The following ARID5B variants were observed in gnomAD, a reference collection of about 807,000 sequenced individuals.
The protein encoded by ARID5B is AT-rich interactive domain-containing protein 5B.
In ARID5B, 13 loss-of-function variants were observed where a neutral mutation model predicts 97.2. The observed-to-expected ratio is 0.13, with a 90% CI of 0.09 to 0.21. ARID5B has a LOEUF of 0.21. ARID5B is among the 10% of genes least tolerant of loss of function. ARID5B has a pLI of 1.00. For synonymous variants in ARID5B, 556 were observed against 570.3 expected (o/e 0.97, Z 0.36); for missense variants, 1,210 against 1,465.3 (o/e 0.83, Z 2.84).
rs1018972967 is a variant in ARID5B at position 61,929,356 on chromosome 10, C to T, written c.277-10827C>T. On this transcript the variant is annotated intron_variant, in intron 2 of 9. Transcript: ENST00000279873. ...TTGTTCCATCCCCTCCCTGCCAACCCGTCTGATATTACACTTGTGCATTTA... is the reference window on the plus strand; with the variant it reads ...TTGTTCCATCCCCTCCCTGCCAACCTGTCTGATATTACACTTGTGCATTTA... 6.6e-5 allele frequency among the ~76,000 whole-genome samples: 10 copies of T among 152,226 alleles called. No individual in the cohort carries two copies. The East Asian group carries it at 7.7e-4, about 12-fold the overall frequency.
intron 3 of ARID5B, among the ~76,000 whole-genome samples, chr10:61,961,332 T>C (rs1444352734): frequency 6.6e-6 from 1 of 152,176 alleles, no homozygotes. Context: ...CCACCTAACA[T>C]TGACTTGGGT....
At chr10:61,970,844 G>A (rs1259790563) in intron 3 of ARID5B, among the ~76,000 whole-genome samples, 1 of 152,116 alleles carries the variant, frequency 6.6e-6, no homozygotes. Flanking sequence ...TGATGAAGAA[G>A]GTAGAACTTA....
chr10:62,040,040 A>G (rs1221891797), intron 4 of ARID5B, among the ~76,000 whole-genome samples: 2 of 152,226 alleles, frequency 1.3e-5, no homozygotes, highest in Non-Finnish European at 1.5e-5. Flanking sequence ...GTACTGGATG[A>G]TGAAAATGGC....
At chr10:62,082,580 G>T (rs1840227773) in intron 8 of ARID5B, among the ~76,000 whole-genome samples, 1 of 152,156 alleles carries the variant, frequency 6.6e-6, no homozygotes, top group Non-Finnish European at 1.5e-5. Flanking sequence ...TCAAGGCGCA[G>T]GCATGGTGCA....
intron 2 of ARID5B, among the ~76,000 whole-genome samples, chr10:61,924,304 G>A (rs1844065976): frequency 6.6e-6 from 1 of 152,194 alleles, no homozygotes; most frequent in Admixed American, 6.5e-5. Context: ...AGTAGAAAAA[G>A]CACCAACTGT....
intron 4 of ARID5B, among the ~76,000 whole-genome samples, chr10:62,044,273 T>A (rs1399793740): frequency 6.6e-6 from 1 of 152,076 alleles, no homozygotes. Flanking sequence ...GGCACATCCA[T>A]CCATTAGTGA....
chr10:61,989,842 G>C (rs117070292), intron 3 of ARID5B, among the ~76,000 whole-genome samples: 5,316 of 152,220 alleles, frequency 0.035, 137 homozygotes, highest in Non-Finnish European at 0.049. Flanking sequence ...AAGATCAAAA[G>C]GCTATGGCTT....
At chr10:61,905,792 A>T (rs1186402264) in intron 2 of ARID5B, among the ~76,000 whole-genome samples, 1 of 152,222 alleles carries the variant, frequency 6.6e-6, no homozygotes, top group East Asian at 1.9e-4. Flanking sequence ...CTTATCCTGT[A>T]AAGTTAAGCT....
chr10:61,928,594 C>T (rs560858517), intron 2 of ARID5B, among the ~76,000 whole-genome samples: 1 of 152,264 alleles, frequency 6.6e-6, no homozygotes, highest in African/African-American at 2.4e-5. Flanking sequence ...TACCTGCCCC[C>T]CAACTTGAAT....
At chr10:61,922,387 GAGGTC>G (rs1388860627) in intron 2 of ARID5B, among the ~76,000 whole-genome samples, 2 of 152,246 alleles carry the variant, frequency 1.3e-5, no homozygotes, top group Admixed American at 1.3e-4. Context: ...TGGATCACCT[GAGGTC>G]AGGAGTTCAA....
chr10:61,913,751 G>A (rs1331561530), intron 2 of ARID5B, among the ~76,000 whole-genome samples: 1 of 152,078 alleles, frequency 6.6e-6, no homozygotes, highest in Non-Finnish European at 1.5e-5. Flanking sequence ...ACCTTGTTTT[G>A]TTTGTTTGTT....
At chr10:61,988,442 G>A (rs764968992) in intron 3 of ARID5B, among the ~76,000 whole-genome samples, 2 of 152,152 alleles carry the variant, frequency 1.3e-5, no homozygotes, top group East Asian at 1.9e-4. Flanking sequence ...GCTTTTAAGA[G>A]ATTATTATTT....
chr10:62,090,012 C>T (rs1402944111), intron 9 of ARID5B, among the ~76,000 whole-genome samples: 3 of 152,206 alleles, frequency 2.0e-5, no homozygotes, highest in Non-Finnish European at 1.5e-5. Flanking sequence ...GTTTATATGG[C>T]TGCATAATGC....
At chr10:62,075,165 G>A (rs1840111330) in intron 8 of ARID5B, among the ~76,000 whole-genome samples, 1 of 152,326 alleles carries the variant, frequency 6.6e-6, no homozygotes. Flanking sequence ...AAACTGGCAC[G>A]CACAGCCCGG....
chr10:61,915,226 C>T (rs1215514588), intron 2 of ARID5B, among the ~76,000 whole-genome samples: 3 of 152,202 alleles, frequency 2.0e-5, no homozygotes, highest in African/African-American at 7.2e-5. Flanking sequence ...CAGCCCAGCA[C>T]TGCGCACTGG....
chr10:61,974,172 A>G (rs900978616), intron 3 of ARID5B, among the ~76,000 whole-genome samples: 2 of 152,224 alleles, frequency 1.3e-5, no homozygotes, highest in African/African-American at 4.8e-5. Flanking sequence ...GATATGATAC[A>G]CCAGAGTAAT....
chr10:62,035,086 G>A (rs1839545032), intron 4 of ARID5B, among the ~76,000 whole-genome samples: 1 of 152,208 alleles, frequency 6.6e-6, no homozygotes, highest in Non-Finnish European at 1.5e-5. Flanking sequence ...GGGTCTCAGA[G>A]TTACACAGTG....
intron 5 of ARID5B, among the ~76,000 whole-genome samples, chr10:62,051,632 T>C (rs1252232085): frequency 6.6e-6 from 1 of 152,248 alleles, no homozygotes; most frequent in Non-Finnish European, 1.5e-5. Context: ...ACCTAAGCAT[T>C]CTTTGGAATC....
rs1159520533 is a variant in ARID5B, at chr10:62,096,098, A to AGTGCCCAAATATT, written c.*3068_*3069insGTGCCCAAATATT. On this transcript the variant is annotated 3_prime_UTR_variant, in exon 10 of 10. Coordinates refer to ENST00000279873, the MANE Select transcript of ARID5B (RefSeq NM_032199.3). Reference sequence around the variant, plus strand: ...AAGTATTCTTCTAGTAAGTGATTCAAACTTGTAATATTTGCCACAGGACTG... The same window carrying AGTGCCCAAATATT: ...AAGTATTCTTCTAGTAAGTGATTCAAGTGCCCAAATATTACTTGTAATATTTGCCACAGGACTG... 4.3e-6 allele frequency: 1 copy of AGTGCCCAAATATT among 233,476 alleles called. No individual in the cohort carries two copies. 14.5% of individuals were successfully genotyped at this position (233,476 alleles called of 1,614,324 possible). A position where few individuals can be genotyped will look rare whatever the true frequency, so the allele number is the denominator to read the frequency against.
Sources: allele counts gnomAD v4.1 joint callset (sites outside exome capture counted in the v4.1 genomes callset), GRCh38; gene constraint gnomAD v4.1.1; transcripts MANE v1.5; gene names NCBI Gene and HGNC (gene_info 2026-07-23, HGNC 2026-07-21).